The following ASZ1 variants were observed in gnomAD, a reference collection of about 807,000 sequenced individuals.
The protein encoded by ASZ1 is ankyrin repeat, SAM and basic leucine zipper domain-containing protein 1.
Under a neutral mutation model 61.8 loss-of-function variants are expected in ASZ1, and 67 were observed. The observed-to-expected ratio is 1.08, with a 90% CI of 0.89 to 1.33. The LOEUF (loss-of-function observed/expected upper bound fraction) is 1.33, where lower values mean the gene tolerates loss of function less well. Ranked by LOEUF, ASZ1 falls within the 40% of genes most tolerant of loss-of-function variation. ASZ1 has a pLI of 0.00. For missense variants in ASZ1, 577 were observed against 554.5 expected, an observed-to-expected ratio of 1.04 and a Z score of -0.41; for synonymous variants, 193 against 192.7, an observed-to-expected ratio of 1.00 and a Z score of -0.01.
At chr7:117,384,908 T>C in intron 5 of ASZ1, 48 bp from the exon 6 acceptor site, 2 of 1,473,936 alleles carry the variant, frequency 1.4e-6, no homozygotes, top group East Asian at 4.9e-5. Flanking sequence ...GGAGTGTATA[T>C]GAGACAGACA....
rs765742708 is a variant in ASZ1 at position 117,367,479 on chromosome 7, C to T, written c.1162-14G>A. ...TTCCAGTGTTATCTGTTAATATTTTCAAAAGTTCAACATTAAATAATGGAA... is the reference window on the plus strand; with the variant it reads ...TTCCAGTGTTATCTGTTAATATTTTTAAAAGTTCAACATTAAATAATGGAA... On this transcript the variant is annotated splice_polypyrimidine_tract_variant and intron_variant, in intron 11 of 12. Transcript: ENST00000284629. The T allele has an allele frequency of 1.6e-5, 24 of 1,472,772 alleles. No individual in the cohort carries two copies. Among genetic ancestry groups the T allele is most frequent in the Non-Finnish European group, 2.1e-5 (23 of 1,109,122 alleles). The allele number at this position is 1,472,772 out of a possible 1,614,324, so 91.2% of individuals were successfully genotyped here. A position where few individuals can be genotyped will look rare whatever the true frequency, so the allele number is the denominator to read the frequency against.
intron 4 of ASZ1, among the ~76,000 whole-genome samples, chr7:117,404,942 T>C (rs1192591185): frequency 6.6e-6 from 1 of 152,156 alleles, no homozygotes; most frequent in Non-Finnish European, 1.5e-5. Context: ...AACCACCCTA[T>C]GATTGACTCT....
At chr7:117,397,678 G>A (rs1308770798) in intron 4 of ASZ1, among the ~76,000 whole-genome samples, 1 of 152,188 alleles carries the variant, frequency 6.6e-6, no homozygotes, top group Non-Finnish European at 1.5e-5. Context: ...GGGTCTGAAG[G>A]CAGAGAACAT....
intron 11 of ASZ1, 76 bp from the exon 12 acceptor site, chr7:117,367,541 CAACATTCTTAAACATT>C (rs1247650346): frequency 2.0e-5 from 25 of 1,260,982 alleles, no homozygotes; most frequent in Non-Finnish European, 2.5e-5. Context: ...AAAGATTATA[CAACATTCTTAAACATT>C]AGATTACATA....
At position 117,363,646 on chromosome 7, in the gene ASZ1, C is replaced by T. The variant is rs766532245; in HGVS notation, c.1378G>A (p.Gly460Arg). The stretch of plus-strand genomic sequence containing the variant: ...CAAATGAAAAGAAGAAAACCGAATC[C>T]GCATATGGTAATAGCTGTCCTCTTC... ...ILKRTAITIC[G>R]FGFLLFICKL... Residue 460 changes from glycine (G) to arginine (R), a missense_variant, in exon 13 of 13, where the codon GGA becomes AGA. Gly to Arg is a moderately radical substitution (Grantham distance 125). Transcript: ENST00000284629. The T allele has an allele frequency of 8.1e-6, 13 of 1,606,404 alleles. No individual in the cohort carries two copies. Among genetic ancestry groups the T allele is most frequent in the East Asian group, 4.5e-5 (2 of 44,560 alleles).
At chr7:117,371,175 G>A (rs1252386155) in intron 10 of ASZ1, among the ~76,000 whole-genome samples, 1 of 151,988 alleles carries the variant, frequency 6.6e-6, no homozygotes, top group African/African-American at 2.4e-5. Flanking sequence ...TAGAAGTTTT[G>A]ACTACATACT....
chr7:117,401,381 G>GT (rs10709348), intron 4 of ASZ1, among the ~76,000 whole-genome samples: 296 of 144,736 alleles, frequency 2.0e-3, no homozygotes, highest in Non-Finnish European at 3.4e-3. Context: ...TAGCAAAGCT[G>GT]TTTTTTTTTT....
chr7:117,403,376 G>A (rs1387166994), intron 4 of ASZ1, among the ~76,000 whole-genome samples: 1 of 152,050 alleles, frequency 6.6e-6, no homozygotes, highest in African/African-American at 2.4e-5. Flanking sequence ...TACTTTCTGT[G>A]ATTTTATCAT....
intron 4 of ASZ1, among the ~76,000 whole-genome samples, chr7:117,419,704 A>G (rs1396011996): frequency 6.6e-6 from 1 of 152,232 alleles, no homozygotes; most frequent in African/African-American, 2.4e-5. Flanking sequence ...TCTAGGCACT[A>G]TTACATACAT....
intron 9 of ASZ1, among the ~76,000 whole-genome samples, chr7:117,380,669 G>A (rs190855588): frequency 3.3e-5 from 5 of 151,364 alleles, no homozygotes; most frequent in Admixed American, 2.0e-4. Flanking sequence ...CTTGGGAGAC[G>A]TGTTAATACC....
At chr7:117,408,214 C>G (rs778389671) in intron 4 of ASZ1, among the ~76,000 whole-genome samples, 4 of 152,102 alleles carry the variant, frequency 2.6e-5, no homozygotes, top group Non-Finnish European at 4.4e-5. Flanking sequence ...CTCCGTCCCC[C>G]ACAACCAGTC....
intron 4 of ASZ1, among the ~76,000 whole-genome samples, chr7:117,404,685 C>T (rs1202628303): frequency 6.6e-6 from 1 of 152,028 alleles, no homozygotes; most frequent in Non-Finnish European, 1.5e-5. Context: ...TCCCCAACTC[C>T]CAGAGGAGGT....
chr7:117,368,166 A>AT, intron 11 of ASZ1: 1 of 804,262 alleles, frequency 1.2e-6, no homozygotes, highest in Non-Finnish European at 1.5e-6. Context: ...GCCTCAAGCA[A>AT]TTCTCCCACG....
Position 117,426,918 on chromosome 7 carries a change from T to C in ASZ1, c.123A>G (p.Leu41=). The change falls in exon 2 of 13, where the codon TTA becomes TTG. Residue 41 remains leucine (L), a synonymous_variant. Transcript: ENST00000284629. ...ATTTTTCTTTCTTTTCTTCAATGGG[T>C]AATAGCCTTTTCAATTTCTAGAAAA... The part of the protein sequence containing the change: ...DRTSQKLKRL[L]PIEEKKEKFK... The C allele has an allele frequency of 6.3e-7, 1 of 1,596,152 alleles. No individual in the cohort carries two copies. The highest frequency in any genetic ancestry group is 8.5e-7 in the Non-Finnish European group (1 of 1,175,576).
intron 4 of ASZ1, among the ~76,000 whole-genome samples, chr7:117,404,328 CTT>C (rs746442030): frequency 7.3e-6 from 1 of 137,594 alleles, no homozygotes; most frequent in African/African-American, 2.6e-5. Flanking sequence ...ATTAGGCTGT[CTT>C]TTTTTTTTTT....
chr7:117,363,801 A>G (rs2116436596), intron 12 of ASZ1, 53 bp from the exon 13 acceptor site: 1 of 1,324,092 alleles, frequency 7.6e-7, no homozygotes. Flanking sequence ...ATACATTAAT[A>G]AAACATTTTG....
intron 4 of ASZ1, among the ~76,000 whole-genome samples, chr7:117,387,592 T>G (rs1375012112): frequency 6.6e-6 from 1 of 152,198 alleles, no homozygotes; most frequent in Admixed American, 6.5e-5. Flanking sequence ...TCATTCCAAG[T>G]ACAAGTCACC....
At chr7:117,374,179 T>A (rs1796096962) in intron 10 of ASZ1, among the ~76,000 whole-genome samples, 1 of 152,148 alleles carries the variant, frequency 6.6e-6, no homozygotes, top group South Asian at 2.1e-4. Context: ...TAGGATCGTC[T>A]ATATTATTTC....
chr7:117,405,646 G>C (rs566517091), intron 4 of ASZ1, among the ~76,000 whole-genome samples: 3 of 152,152 alleles, frequency 2.0e-5, no homozygotes, highest in African/African-American at 4.8e-5. Context: ...TTCCCTGATC[G>C]CATCATCTTG....
Sources: gnomAD v4.1 joint callset for allele counts (sites outside exome capture counted in the v4.1 genomes callset) on GRCh38, gnomAD v4.1.1 for gene constraint, MANE v1.5 for transcripts, NCBI Gene and HGNC (gene_info 2026-07-23, HGNC 2026-07-21) for gene names.